UBR2: variants seen among roughly 807,000 people sequenced by gnomAD.
The protein encoded by UBR2 is E3 ubiquitin-protein ligase UBR2.
UBR2 carries 92 observed loss-of-function variants against 247.9 expected under a neutral mutation model. The ratio of observed to expected loss-of-function variants is 0.37; its 90% CI spans 0.31 to 0.44. The LOEUF (loss-of-function observed/expected upper bound fraction) is 0.44, where lower values mean the gene tolerates loss of function less well. Ranked by LOEUF, UBR2 falls within the 20% of genes least tolerant of loss-of-function variation. UBR2 has a pLI of 1.00. For missense variants in UBR2, 1,613 were observed against 2,112.6 expected, an observed-to-expected ratio of 0.76 and a Z score of 4.64; for synonymous variants, 672 against 693.5, an observed-to-expected ratio of 0.97 and a Z score of 0.49.
chr6:42,678,421 C>T (rs1010774037), intron 40 of UBR2, 118 bp from the exon 41 acceptor site: 3 of 1,161,352 alleles, frequency 2.6e-6, no homozygotes, highest in Non-Finnish European at 3.5e-6. Context: ...CCTGTTAACT[C>T]ACAACTTTTA....
chr6:42,582,550 A>T (rs1308292196), intron 2 of UBR2, among the ~76,000 whole-genome samples: 4 of 152,036 alleles, frequency 2.6e-5, no homozygotes, highest in African/African-American at 9.7e-5. Context: ...TTCCAAAAGG[A>T]TTTTATCTTC....
At position 42,654,515 on chromosome 6, in the gene UBR2, G is replaced by A. The variant is rs138419705; in HGVS notation, c.2770-1106G>A. Reference sequence around the variant, plus strand: ...CAAGGCGGGTAGATCACTTGGGGTCGGGAGTTCAAGACCAGCCTGTACAAC... The same window carrying A: ...CAAGGCGGGTAGATCACTTGGGGTCAGGAGTTCAAGACCAGCCTGTACAAC... On this transcript the variant is annotated intron_variant, in intron 25 of 46. Transcript: ENST00000372901. Among the ~76,000 whole-genome samples, 194 of 152,056 alleles carry A rather than the reference G, an allele frequency of 1.3e-3. 1 individual carries two copies. Among genetic ancestry groups the A allele is most frequent in the African/African-American group, 4.0e-3 (164 of 41,468 alleles).
At chr6:42,680,397 T>C (rs1280987188) in intron 42 of UBR2, among the ~76,000 whole-genome samples, 1 of 152,196 alleles carries the variant, frequency 6.6e-6, no homozygotes, top group East Asian at 1.9e-4. Flanking sequence ...GAAATGTTGA[T>C]TTCTTTACAT....
intron 1 of UBR2, among the ~76,000 whole-genome samples, chr6:42,571,426 T>A (rs996515851): frequency 2.0e-5 from 3 of 151,970 alleles, no homozygotes; most frequent in Non-Finnish European, 2.9e-5. Flanking sequence ...CTTTCTAGGA[T>A]CATGGAGGTG....
Position 42,689,731 on chromosome 6 carries a change from C to G in UBR2, c.5126+61C>G. 1 of 1,454,502 alleles carries G rather than the reference C, an allele frequency of 6.9e-7. No individual in the cohort carries two copies. The highest frequency in any genetic ancestry group is 1.7e-5 in the Admixed American group (1 of 59,584). 90.1% of individuals were successfully genotyped at this position (1,454,502 alleles called of 1,614,324 possible). A position where few individuals can be genotyped will look rare whatever the true frequency, so the allele number is the denominator to read the frequency against. On this transcript the variant is annotated intron_variant, in intron 46 of 46. Coordinates refer to ENST00000372901, the MANE Select transcript of UBR2 (RefSeq NM_001363705.2). This position sits in a 1 kb window ranked among gnomAD's most constrained non-coding sequence, Gnocchi z 4.0. ...TGCAGCGCCCTTCCGTATGTGGTGA[C>G]GTCCTGAGGGTGGAGGGCTGAGGTG...
At chr6:42,636,318 A>G (rs1028678964) in intron 14 of UBR2, among the ~76,000 whole-genome samples, 8 of 151,986 alleles carry the variant, frequency 5.3e-5, no homozygotes, top group Non-Finnish European at 1.2e-4. Context: ...AGCTGGGACA[A>G]CAGGCACACA....
At chr6:42,614,972 A>G in intron 8 of UBR2, 99 bp from the exon 9 acceptor site, 1 of 924,760 alleles carries the variant, frequency 1.1e-6, no homozygotes, top group Non-Finnish European at 1.6e-6. Flanking sequence ...CTTTAAGAAA[A>G]CATTTAAAAC....
At chr6:42,597,922 A>G (rs549999313) in intron 4 of UBR2, among the ~76,000 whole-genome samples, 2 of 149,876 alleles carry the variant, frequency 1.3e-5, no homozygotes, top group East Asian at 3.9e-4. Flanking sequence ...TCAAAAACCA[A>G]AAAAAAAAAG....
intron 37 of UBR2, 47 bp from the exon 38 acceptor site, chr6:42,674,079 A>C: frequency 6.4e-7 from 1 of 1,566,084 alleles, no homozygotes; most frequent in Non-Finnish European, 8.7e-7. Context: ...GCATTTTAAC[A>C]TGTTGGCATA....
At chr6:42,687,384 T>C (rs1051199050) in intron 44 of UBR2, among the ~76,000 whole-genome samples, 5 of 152,062 alleles carry the variant, frequency 3.3e-5, no homozygotes, top group Admixed American at 3.3e-4. Flanking sequence ...CTGGGCAGGC[T>C]GAGACAGGAG....
In UBR2 at chr6:42,692,662, G is replaced by A. The variant is rs1213852566; in HGVS notation, c.*1489G>A. 6.6e-6 allele frequency: 1 copy of A among 152,102 alleles called. No individual in the cohort carries two copies. The highest frequency in any genetic ancestry group is 1.9e-4 in the East Asian group (1 of 5,194). 9.4% of individuals were successfully genotyped at this position (152,102 alleles called of 1,614,324 possible). On this transcript the variant is annotated 3_prime_UTR_variant, in exon 47 of 47. Coordinates refer to ENST00000372901, the MANE Select transcript of UBR2 (RefSeq NM_001363705.2). ...TCTTTGAATTACATCTACAAGTTTT[G>A]TTCCACTCAGCTACCAGTCAACTAG...
chr6:42,611,906 CA>C (rs758448253), intron 7 of UBR2, among the ~76,000 whole-genome samples: 3 of 75,478 alleles, frequency 4.0e-5, no homozygotes, highest in Non-Finnish European at 7.9e-5. Context: ...GACTCCACCT[CA>C]AAAAAAGAAA....
chr6:42,641,669 A>G lies in UBR2; in HGVS notation c.2008A>G (p.Asn670Asp), dbSNP rs1314939107. Residue 670 changes from asparagine (N) to aspartate (D), a missense_variant, in exon 17 of 47, where the codon AAT (asparagine) becomes GAT (aspartate). Physicochemically the swap from Asn to Asp is conservative, Grantham distance 23 (BLOSUM62 1). Around this residue, in one of 3 missense-constraint regions of UBR2, gnomAD observed 1,524 missense variants for 1,967.3 expected, o/e 0.77. Coordinates refer to ENST00000372901, the MANE Select transcript of UBR2 (RefSeq NM_001363705.2). ...AGTACATGCCGGAATGTGGAGAAGA[A>G]ATGGGTTCTCTCTAGTAAACCAGGT... ...AQVHAGMWRR[N>D]GFSLVNQIYY... 6.2e-7 allele frequency: 1 copy of G among 1,609,756 alleles called. No homozygotes were observed. Among genetic ancestry groups the G allele is most frequent in the Non-Finnish European group, 8.5e-7 (1 of 1,178,432 alleles).
At chr6:42,636,879 TG>T (rs1304728514) in intron 14 of UBR2, 131 bp from the exon 15 acceptor site, 19 of 896,780 alleles carry the variant, frequency 2.1e-5, no homozygotes, top group Non-Finnish European at 2.6e-5. Context: ...GGACCAAATT[TG>T]GGAGGGAGGA....
At chr6:42,686,224 C>T (rs1312288147) in intron 44 of UBR2, among the ~76,000 whole-genome samples, 1 of 151,898 alleles carries the variant, frequency 6.6e-6, no homozygotes, top group Non-Finnish European at 1.5e-5. Flanking sequence ...GAGGTCCCTG[C>T]GGCCTTCCGC....
intron 8 of UBR2, among the ~76,000 whole-genome samples, chr6:42,614,037 C>T (rs1794256818): frequency 1.3e-5 from 2 of 150,448 alleles, no homozygotes; most frequent in African/African-American, 4.9e-5. Flanking sequence ...ATTAGCCAGG[C>T]GTGGTGGTGC....
At chr6:42,605,627 C>T in intron 5 of UBR2, 94 bp from the exon 6 acceptor site, 1 of 1,132,098 alleles carries the variant, frequency 8.8e-7, no homozygotes, top group Middle Eastern at 2.4e-4. Context: ...CAGTACCTAG[C>T]ACATTGCATA....
At chr6:42,618,319 G>A (rs1437440626) in intron 11 of UBR2, among the ~76,000 whole-genome samples, 1 of 152,186 alleles carries the variant, frequency 6.6e-6, no homozygotes, top group African/African-American at 2.4e-5. Context: ...ACCTGGAGGA[G>A]TAGGGTGGAG....
At chr6:42,653,150 T>C (rs546792747) in intron 25 of UBR2, among the ~76,000 whole-genome samples, 11 of 152,326 alleles carry the variant, frequency 7.2e-5, no homozygotes, top group African/African-American at 2.4e-4. Context: ...AGTGGTGCAA[T>C]CTTGGCTCAC....
Sources: allele counts gnomAD v4.1 joint callset (sites outside exome capture counted in the v4.1 genomes callset), GRCh38; gene constraint gnomAD v4.1.1; regional missense constraint gnomAD v4.1.1; non-coding constraint Gnocchi (gnomAD v3.1); transcripts MANE v1.5; gene names NCBI Gene and HGNC (gene_info 2026-07-23, HGNC 2026-07-21).